PPM1L: variants seen among roughly 807,000 people sequenced by gnomAD.
PPM1L encodes the protein protein phosphatase 1L.
In PPM1L, 13 loss-of-function variants were observed where a neutral mutation model predicts 31.4. The observed-to-expected ratio is 0.41, with a 90% CI of 0.27 to 0.66. PPM1L has a LOEUF of 0.66. Ranked by LOEUF, PPM1L falls within the 30% of genes least tolerant of loss-of-function variation. The pLI is 0.29. For missense variants in PPM1L, 326 were observed against 453.7 expected, an observed-to-expected ratio of 0.72 and a Z score of 2.56; for synonymous variants, 184 against 175.4, an observed-to-expected ratio of 1.05 and a Z score of -0.39.
In PPM1L at chr3:160,965,879, T is replaced by C. The variant is rs917133899; in HGVS notation, c.574+3969T>C. Among the ~76,000 whole-genome samples, 3 of 152,250 alleles carry C rather than the reference T, an allele frequency of 2.0e-5. No individual in the cohort carries two copies. In the South Asian group the frequency reaches 6.2e-4, roughly 32 times the overall value. ...TCAGCCTGAGTGACTTAATGACAAT[T>C]ACTGCTATTTGTAGCGTCTAAACTT... On this transcript the variant is annotated intron_variant, in intron 2 of 3. Coordinates refer to ENST00000498165, the MANE Select transcript of PPM1L (RefSeq NM_139245.4).
In PPM1L at chr3:161,070,622, G is replaced by A. The variant is rs991412031; in HGVS notation, c.*1465G>A. On this transcript the variant is annotated 3_prime_UTR_variant, in exon 4 of 4. Coordinates refer to ENST00000498165, the MANE Select transcript of PPM1L (RefSeq NM_139245.4). Reference sequence around the variant, plus strand: ...ATGCTGGGTCACTCTCTTTGCCTAAGGTGACTCAAACAGCCAAACGAAACT... The same window carrying A: ...ATGCTGGGTCACTCTCTTTGCCTAAAGTGACTCAAACAGCCAAACGAAACT... The A allele has an allele frequency of 1.3e-5, 2 of 152,156 alleles. No homozygotes were observed. The highest frequency in any genetic ancestry group is 2.9e-5 in the Non-Finnish European group (2 of 68,038). 9.4% of individuals were successfully genotyped at this position (152,156 alleles called of 1,614,324 possible).
intron 1 of PPM1L, among the ~76,000 whole-genome samples, chr3:160,873,961 A>G (rs1448316076): frequency 2.0e-5 from 3 of 152,200 alleles, no homozygotes; most frequent in Non-Finnish European, 4.4e-5. Flanking sequence ...AGAAAATGGT[A>G]TGGTCTTTTA....
rs770789169 is a variant in PPM1L, at chr3:160,756,265, G to C, written c.-44G>C. ...GTGCTCCCGGACCCGGCGAGCCTTC[G>C]GGGCGCGCGTCGCTGGTGGTGGTTG... is the stretch of plus-strand genomic sequence containing the variant. On this transcript the variant is annotated 5_prime_UTR_variant, in exon 1 of 4. Coordinates refer to ENST00000498165, the MANE Select transcript of PPM1L (RefSeq NM_139245.4). The surrounding 1 kb of genome is among the most constrained non-coding windows in gnomAD (Gnocchi z 6.2). 28 of 1,565,594 alleles carry C rather than the reference G, an allele frequency of 1.8e-5. No individual in the cohort carries two copies. Among genetic ancestry groups the C allele is most frequent in the Admixed American group, 3.5e-5 (2 of 57,242 alleles).
intron 1 of PPM1L, among the ~76,000 whole-genome samples, chr3:160,858,187 C>T (rs1711779553): frequency 6.6e-6 from 1 of 152,190 alleles, no homozygotes; most frequent in Non-Finnish European, 1.5e-5. Flanking sequence ...GAAAGTAAAG[C>T]AGTGCTTCCA....
At chr3:160,905,407 A>G (rs1322514844) in intron 1 of PPM1L, among the ~76,000 whole-genome samples, 1 of 152,208 alleles carries the variant, frequency 6.6e-6, no homozygotes, top group African/African-American at 2.4e-5. Flanking sequence ...AGCTCTGAAT[A>G]TTAGCTTTCC....
chr3:160,924,531 G>A (rs1336476682), intron 1 of PPM1L, among the ~76,000 whole-genome samples: 2 of 152,132 alleles, frequency 1.3e-5, no homozygotes, highest in Non-Finnish European at 2.9e-5. Flanking sequence ...TTCCAAATGT[G>A]GAAGTCAGTG....
chr3:160,928,441 C>T (rs1372386221), intron 1 of PPM1L, among the ~76,000 whole-genome samples: 1 of 152,160 alleles, frequency 6.6e-6, no homozygotes, highest in Non-Finnish European at 1.5e-5. Flanking sequence ...TTTTCAATGC[C>T]ATCCTGACAG....
At chr3:161,038,680 A>G (rs1326479081) in intron 2 of PPM1L, among the ~76,000 whole-genome samples, 1 of 150,842 alleles carries the variant, frequency 6.6e-6, no homozygotes, top group Non-Finnish European at 1.5e-5. Flanking sequence ...GGTAAATATT[A>G]TAGTCTAGTC....
At chr3:161,036,027 C>G (rs1422718977) in intron 2 of PPM1L, 1 of 152,210 alleles carries the variant, frequency 6.6e-6, no homozygotes, top group East Asian at 1.9e-4. Context: ...CAAGCCATGA[C>G]TCAGATTTCC....
intron 2 of PPM1L, among the ~76,000 whole-genome samples, chr3:161,023,749 G>A (rs1219368264): frequency 6.6e-6 from 1 of 152,050 alleles, no homozygotes; most frequent in African/African-American, 2.4e-5. Context: ...CTTGGGGGTA[G>A]TTTCTACTAT....
intron 2 of PPM1L, among the ~76,000 whole-genome samples, chr3:161,026,765 T>C (rs1049850057): frequency 6.6e-6 from 1 of 151,748 alleles, no homozygotes; most frequent in Non-Finnish European, 1.5e-5. Context: ...GGGGAAAATG[T>C]ACTTGCCAAA....
At chr3:160,892,528 T>G (rs1713191256) in intron 1 of PPM1L, among the ~76,000 whole-genome samples, 2 of 152,120 alleles carry the variant, frequency 1.3e-5, no homozygotes, top group South Asian at 2.1e-4. Context: ...GTGAATATAT[T>G]TTAGAGTTTA....
intron 2 of PPM1L, among the ~76,000 whole-genome samples, chr3:160,990,448 A>G (rs1353450425): frequency 6.6e-6 from 1 of 152,226 alleles, no homozygotes; most frequent in African/African-American, 2.4e-5. Flanking sequence ...ATATATAATT[A>G]TATGTATTTC....
At chr3:160,931,389 C>T (rs562073679) in intron 1 of PPM1L, among the ~76,000 whole-genome samples, 1 of 152,332 alleles carries the variant, frequency 6.6e-6, no homozygotes, top group South Asian at 2.1e-4. Flanking sequence ...TCCACACGTC[C>T]TCATTTATCC....
chr3:160,829,235 A>T (rs1000619285), intron 1 of PPM1L, among the ~76,000 whole-genome samples: 8 of 113,226 alleles, frequency 7.1e-5, no homozygotes, highest in South Asian at 2.6e-4. Context: ...CACCCTTGAT[A>T]AAAAAAAAAA....
chr3:160,889,198 T>C (rs542391981), intron 1 of PPM1L, among the ~76,000 whole-genome samples: 66 of 152,110 alleles, frequency 4.3e-4, no homozygotes, highest in Non-Finnish European at 7.7e-4. Context: ...TCTCCAAAAA[T>C]AATCAATGAA....
intron 2 of PPM1L, among the ~76,000 whole-genome samples, chr3:160,972,951 T>G (rs1336037661): frequency 6.6e-6 from 1 of 152,160 alleles, no homozygotes; most frequent in Non-Finnish European, 1.5e-5. Context: ...TGATGGCCAG[T>G]GATGATGAGC....
At chr3:160,948,264 C>G (rs1335564875) in intron 1 of PPM1L, among the ~76,000 whole-genome samples, 1 of 152,174 alleles carries the variant, frequency 6.6e-6, no homozygotes, top group Non-Finnish European at 1.5e-5. Context: ...TTTACACAAG[C>G]AGGTGCAGTC....
At chr3:161,003,784 A>T (rs1255237396) in intron 2 of PPM1L, among the ~76,000 whole-genome samples, 1 of 151,892 alleles carries the variant, frequency 6.6e-6, no homozygotes, top group African/African-American at 2.4e-5. Flanking sequence ...GTCGTCTGCA[A>T]ACAGGGACAA....
Sources: gnomAD v4.1 joint callset for allele counts (sites outside exome capture counted in the v4.1 genomes callset) on GRCh38, gnomAD v4.1.1 for gene constraint, Gnocchi (gnomAD v3.1) non-coding constraint, MANE v1.5 for transcripts, NCBI Gene and HGNC (gene_info 2026-07-23, HGNC 2026-07-21) for gene names.